The following ZNF737 variants were observed in gnomAD, a reference collection of about 807,000 sequenced individuals.
The protein encoded by ZNF737 is zinc finger protein 737.
In ZNF737, 13 loss-of-function variants were observed where a neutral mutation model predicts 11.7. The ratio of observed to expected loss-of-function variants is 1.11; its 90% CI spans 0.73 to 1.77. The LOEUF (loss-of-function observed/expected upper bound fraction) is 1.77. ZNF737 is among the 40% of genes most tolerant of loss of function. The pLI, the probability that ZNF737 is intolerant of heterozygous loss-of-function variation, is 0.00. For missense variants in ZNF737, 636 were observed against 638.0 expected (o/e 1.00, Z 0.03); for synonymous variants, 217 against 216.2 (o/e 1.00, Z -0.03).
At position 20,544,785 on chromosome 19, in the gene ZNF737, C is replaced by G. The variant is rs375001437; in HGVS notation, c.1418G>C (p.Arg473Thr). ...NSSSHLTAHK[R>T]IHTGEKPYKC... is the part of the protein sequence containing the mutation. ...GTAGGGTTTCTCTCCAGTATGAATT[C>G]TCTTATGTGCAGTAAGGTGTGAGGA... The change falls in exon 4 of 4, where the codon AGA (arginine) becomes ACA (threonine). Residue 473 changes from arginine to threonine, a missense_variant. Coordinates refer to ENST00000427401, the MANE Select transcript of ZNF737 (RefSeq NM_001159293.2). 2 of 1,608,550 alleles carry G rather than the reference C, an allele frequency of 1.2e-6. No homozygotes were observed. The highest frequency in any genetic ancestry group is 1.7e-6 in the Non-Finnish European group (2 of 1,177,906).
chr19:20,561,103 T>C (rs183455866), intron 1 of ZNF737, among the ~76,000 whole-genome samples: 2 of 152,222 alleles, frequency 1.3e-5, no homozygotes, highest in Admixed American at 6.5e-5. Flanking sequence ...GATTGCAATG[T>C]AGGTGAGAGG....
downstream of ZNF737, among the ~76,000 whole-genome samples, chr19:20,533,457 T>TA (rs1401665928): frequency 2.0e-5 from 3 of 149,998 alleles, no homozygotes; most frequent in Non-Finnish European, 4.4e-5. Flanking sequence ...ACATGGTAGA[T>TA]ACATAAACAC....
rs1167696109 is a variant in ZNF737, at chr19:20,545,765, C to T, written c.438G>A (p.Gln146=). ...GAATGACTTTCACATATTTATCACA[C>T]TGAAATATTTTGCTTTGAGTAGTTG... ...YLTTTQSKIF[Q]CDKYVKVIHK... Residue 146 remains glutamine (Q), a synonymous_variant, in exon 4 of 4, where the codon CAG becomes CAA. Transcript: ENST00000427401. The T allele has an allele frequency of 2.5e-6, 4 of 1,613,108 alleles. No individual in the cohort carries two copies. The highest frequency in any genetic ancestry group is 1.3e-5 in the African/African-American group (1 of 74,852).
At chr19:20,547,171 G>T (rs1555757246) in intron 3 of ZNF737, among the ~76,000 whole-genome samples, 1 of 151,984 alleles carries the variant, frequency 6.6e-6, no homozygotes, top group Non-Finnish European at 1.5e-5. Flanking sequence ...CACGAGGTCA[G>T]GAGATTGAGA....
Position 20,545,810 on chromosome 19 carries a change from A to G in ZNF737, c.393T>C (p.Asn131=), listed in dbSNP as rs1968434241. ...TAGTTGTCAAATATTGGTTAAGTCC[A>G]TTATAACCTCTTTTGTGCACCTTAC... is the stretch of plus-strand genomic sequence containing the variant. ...DECKVHKRGY[N]GLNQYLTTTQ... Residue 131 remains asparagine, a synonymous_variant, in exon 4 of 4, where the codon AAT becomes AAC. Coordinates refer to ENST00000427401, the MANE Select transcript of ZNF737 (RefSeq NM_001159293.2). 1.2e-6 allele frequency: 2 copies of G among 1,613,394 alleles called. No homozygotes were observed. Among genetic ancestry groups the G allele is most frequent in the African/African-American group, 2.7e-5 (2 of 74,884 alleles).
Position 20,545,884 on chromosome 19 carries a change from C to T in ZNF737, c.319G>A (p.Gly107Arg). ...TTTTTAAACTGTAAATTGTCATGTC[C>T]ATAGTTTTCATATCTTCTCAGTGTC... ...KVTLRRYENY[G>R]HDNLQFKKGC... Residue 107 changes from glycine to arginine, a missense_variant, in exon 4 of 4, where the codon GGA becomes AGA. Physicochemically the swap from Gly to Arg is moderately radical, Grantham distance 125. Coordinates refer to ENST00000427401, the MANE Select transcript of ZNF737 (RefSeq NM_001159293.2). 1.2e-6 allele frequency: 2 copies of T among 1,611,954 alleles called. No individual in the cohort carries two copies. The highest frequency in any genetic ancestry group is 1.7e-6 in the Non-Finnish European group (2 of 1,179,348).
In ZNF737 at chr19:20,543,355, TG is replaced by T. The variant is rs1250828488; in HGVS notation, c.*1236del. On this transcript the variant is annotated 3_prime_UTR_variant, in exon 4 of 4. Transcript: ENST00000427401. ...ATCTGTGATACTAGTAAATGTACTA[TG>T]TAACTCCCTTTATATTTGTAATGCT... 5.1e-6 allele frequency: 5 copies of T among 986,334 alleles called. No homozygotes were observed. The highest frequency in any genetic ancestry group is 6.0e-6 in the Non-Finnish European group (5 of 829,752). 61.1% of individuals were successfully genotyped at this position (986,334 alleles called of 1,614,324 possible). A position where few individuals can be genotyped will look rare whatever the true frequency, so the allele number is the denominator to read the frequency against.
In ZNF737 at chr19:20,542,160, G is replaced by C. The variant is rs1410252001; in HGVS notation, c.*2432C>G. ...GGGATACAGTTAGTGGCACAATAAT[G>C]GTTCATTAAACGCACGGTAGTCTTA... On this transcript the variant is annotated 3_prime_UTR_variant, in exon 4 of 4. Coordinates refer to ENST00000427401, the MANE Select transcript of ZNF737 (RefSeq NM_001159293.2). The C allele has an allele frequency of 5.1e-6, 5 of 984,676 alleles. No homozygotes were observed. The allele number at this position is 984,676 out of a possible 1,614,324, so 61.0% of individuals were successfully genotyped here. A position where few individuals can be genotyped will look rare whatever the true frequency, so the allele number is the denominator to read the frequency against.
At chr19:20,553,675 T>C in intron 2 of ZNF737, 34 bp downstream of exon 2, 1 of 1,596,570 alleles carries the variant, frequency 6.3e-7, no homozygotes, top group Non-Finnish European at 8.6e-7. Flanking sequence ...GTCTTTTGTG[T>C]ATATTATGAA....
At chr19:20,561,762 C>T (rs1969107538) in intron 1 of ZNF737, among the ~76,000 whole-genome samples, 1 of 151,754 alleles carries the variant, frequency 6.6e-6, no homozygotes. Flanking sequence ...GTCCTCACTG[C>T]AGATGCCAAT....
At chr19:20,559,234 G>A (rs1555761846) in intron 1 of ZNF737, among the ~76,000 whole-genome samples, 1 of 151,970 alleles carries the variant, frequency 6.6e-6, no homozygotes, top group Non-Finnish European at 1.5e-5. Context: ...ATCAACAGAG[G>A]AAAAAGACAA....
At position 20,545,445 on chromosome 19, in the gene ZNF737, C is replaced by G; in HGVS notation, c.758G>C (p.Gly253Ala). 2.5e-6 allele frequency: 4 copies of G among 1,613,832 alleles called. No individual in the cohort carries two copies. The highest frequency in any genetic ancestry group is 2.5e-6 in the Non-Finnish European group (3 of 1,179,926). ...TTCTTCACATTTGTAGGGTTTCTCTCCACTATGAATTATCTTATGTGCAGT... is the reference window on the plus strand; with the variant it reads ...TTCTTCACATTTGTAGGGTTTCTCTGCACTATGAATTATCTTATGTGCAGT... ...YLTAHKIIHS[G>A]EKPYKCEECG... Residue 253 changes from glycine to alanine, a missense_variant, in exon 4 of 4, where the codon GGA (glycine) becomes GCA (alanine). Coordinates refer to ENST00000427401, the MANE Select transcript of ZNF737 (RefSeq NM_001159293.2).
Position 20,541,574 on chromosome 19 carries a change from C to G in ZNF737, c.*3018G>C, listed in dbSNP as rs1599399295. The G allele has an allele frequency of 4.0e-6, 1 of 247,484 alleles. No individual in the cohort carries two copies. Among genetic ancestry groups the G allele is most frequent in the African/African-American group, 2.3e-5 (1 of 43,170 alleles). 15.3% of individuals were successfully genotyped at this position (247,484 alleles called of 1,614,324 possible). The stretch of plus-strand genomic sequence containing the variant: ...CGATTCTCCTGCCTCAGCCTCCTGG[C>G]ATGTGCCACCATGCCTAATTTTTGT... On this transcript the variant is annotated 3_prime_UTR_variant, in exon 4 of 4. Transcript: ENST00000427401.
At chr19:20,551,429 CAA>C (rs59406979) in intron 3 of ZNF737, among the ~76,000 whole-genome samples, 46,822 of 102,606 alleles carry the variant, frequency 0.46, 8,779 homozygotes, top group Admixed American at 0.53. Flanking sequence ...AACCCCATCT[CAA>C]AAAAAAAAAA....
In ZNF737 at chr19:20,542,644, G is replaced by C; in HGVS notation, c.*1948C>G. 1 of 978,788 alleles carries C rather than the reference G, an allele frequency of 1.0e-6. No homozygotes were observed. 60.6% of individuals were successfully genotyped at this position (978,788 alleles called of 1,614,324 possible). Reference sequence around the variant, plus strand: ...TATTTCTTTGTGTCACTATAATAAAGTATTGCTCTGAACATTTACGTTATA... The same window carrying C: ...TATTTCTTTGTGTCACTATAATAAACTATTGCTCTGAACATTTACGTTATA... On this transcript the variant is annotated 3_prime_UTR_variant, in exon 4 of 4. Coordinates refer to ENST00000427401, the MANE Select transcript of ZNF737 (RefSeq NM_001159293.2).
rs1555755237 is a variant in ZNF737, at chr19:20,541,985, AAAT to A, written c.*2604_*2606del. ...ACCCACGAATACAAATAAAAAATTT[AAAT>A]AATAAAGAGTCAAAATTTAATCTAT... On this transcript the variant is annotated 3_prime_UTR_variant, in exon 4 of 4. Transcript: ENST00000427401. The A allele has an allele frequency of 3.3e-5, 32 of 974,972 alleles. No individual in the cohort carries two copies. Among genetic ancestry groups the A allele is most frequent in the Non-Finnish European group, 3.9e-5 (32 of 820,538 alleles). The allele number at this position is 974,972 out of a possible 1,614,324, so 60.4% of individuals were successfully genotyped here.
At position 20,542,507 on chromosome 19, in the gene ZNF737, C is replaced by T; in HGVS notation, c.*2085G>A. On this transcript the variant is annotated 3_prime_UTR_variant, in exon 4 of 4. Transcript: ENST00000427401. ...TTGGCCTCCCAAAGTGCTGAAATTA[C>T]AGGCATGAGCCATCAAGCCCGGCCC... 1.6e-5 allele frequency: 15 copies of T among 965,262 alleles called. No individual in the cohort carries two copies. Among genetic ancestry groups the T allele is most frequent in the Non-Finnish European group, 1.7e-5 (14 of 811,598 alleles). 59.8% of individuals were successfully genotyped at this position (965,262 alleles called of 1,614,324 possible).
At position 20,540,804 on chromosome 19, in the gene ZNF737, A is replaced by G; in HGVS notation, c.*3788T>C. On this transcript the variant is annotated 3_prime_UTR_variant, in exon 4 of 4. Coordinates refer to ENST00000427401, the MANE Select transcript of ZNF737 (RefSeq NM_001159293.2). ...TCTGCTGCTTTTGTTATCTACATAAACAAAGATATCAACTGGATATAATAA... is the reference window on the plus strand; with the variant it reads ...TCTGCTGCTTTTGTTATCTACATAAGCAAAGATATCAACTGGATATAATAA... 1 of 912,136 alleles carries G rather than the reference A, an allele frequency of 1.1e-6. No homozygotes were observed. Among genetic ancestry groups the G allele is most frequent in the Non-Finnish European group, 1.3e-6 (1 of 763,348 alleles). 56.5% of individuals were successfully genotyped at this position (912,136 alleles called of 1,614,324 possible).
At chr19:20,553,579 C>T in intron 2 of ZNF737, 130 bp downstream of exon 2, 2 of 1,027,566 alleles carry the variant, frequency 1.9e-6, no homozygotes, top group Admixed American at 2.9e-5. Context: ...TGAACAAATT[C>T]TGAAGATTTT....
Sources: allele counts gnomAD v4.1 joint callset (sites outside exome capture counted in the v4.1 genomes callset), GRCh38; gene constraint gnomAD v4.1.1; transcripts MANE v1.5; gene names NCBI Gene and HGNC (gene_info 2026-07-23, HGNC 2026-07-21).